The following CSMD3 variants were observed in gnomAD, a reference collection of about 807,000 sequenced individuals.
CSMD3 encodes the protein CUB and Sushi multiple domains 3.
A neutral mutation model predicts 435.2 loss-of-function variants in CSMD3; 177 were observed. The ratio of observed to expected loss-of-function variants is 0.41; its 90% CI spans 0.36 to 0.46. CSMD3 has a LOEUF of 0.46. CSMD3 is among the 20% of genes least tolerant of loss of function. The pLI is 0.34. For missense variants in CSMD3, 4,265 were observed against 4,504.6 expected, an observed-to-expected ratio of 0.95 and a Z score of 1.52; for synonymous variants, 1,656 against 1,520.5, an observed-to-expected ratio of 1.09 and a Z score of -2.07.
intron 13 of CSMD3, among the ~76,000 whole-genome samples, chr8:112,757,000 C>A (rs2077716663): frequency 6.6e-6 from 1 of 152,014 alleles, no homozygotes; most frequent in Admixed American, 6.6e-5. Flanking sequence ...AACTCCCAAC[C>A]CCAAATGATT....
At chr8:113,238,949 A>G (rs144553619) in intron 3 of CSMD3, among the ~76,000 whole-genome samples, 7 of 152,302 alleles carry the variant, frequency 4.6e-5, no homozygotes, top group Non-Finnish European at 1.0e-4. Context: ...GTTATTGAGA[A>G]TGAGTGTAAC....
chr8:112,830,433 A>G (rs2079836006), intron 11 of CSMD3, among the ~76,000 whole-genome samples: 1 of 152,176 alleles, frequency 6.6e-6, no homozygotes. Context: ...GCTAAAATAT[A>G]CTCATGTATC....
chr8:112,957,425 G>GA (rs986621985), intron 7 of CSMD3, among the ~76,000 whole-genome samples: 1 of 152,144 alleles, frequency 6.6e-6, no homozygotes, highest in East Asian at 1.9e-4. Context: ...CTCAAAGGCA[G>GA]AAAAAATATT....
chr8:113,151,510 T>C (rs1466092270), intron 4 of CSMD3, among the ~76,000 whole-genome samples: 3 of 151,752 alleles, frequency 2.0e-5, no homozygotes, highest in Non-Finnish European at 2.9e-5. Flanking sequence ...ACAAGAATAA[T>C]ACAAACAAAA....
chr8:112,329,802 G>A (rs948567460), intron 45 of CSMD3, among the ~76,000 whole-genome samples: 3 of 152,120 alleles, frequency 2.0e-5, no homozygotes, highest in African/African-American at 7.2e-5. Flanking sequence ...TTAGTTTTGA[G>A]TAATAATTAA....
At chr8:112,390,576 A>G (rs2129716764) in intron 36 of CSMD3, 88 bp downstream of exon 36, 1 of 1,160,382 alleles carries the variant, frequency 8.6e-7, no homozygotes, top group Non-Finnish European at 1.3e-6. Context: ...CACTTGCTAA[A>G]CTTTTAGAAA....
In CSMD3 at chr8:112,230,624, A is replaced by G. The variant is rs546942945; in HGVS notation, c.10828+921T>C. Among the ~76,000 whole-genome samples the G allele has an allele frequency of 4.6e-5, 7 of 152,170 alleles. No homozygotes were observed. The South Asian group carries it at 1.2e-3, about 27-fold the overall frequency. Reference sequence around the variant, plus strand: ...GCCAACATGGTGAAGCCCTGTCTCTACTAGAAATACATAGCCAGGCATGGT... The same window carrying G: ...GCCAACATGGTGAAGCCCTGTCTCTGCTAGAAATACATAGCCAGGCATGGT... On this transcript the variant is annotated intron_variant, in intron 69 of 70. Coordinates refer to ENST00000297405, the MANE Select transcript of CSMD3 (RefSeq NM_198123.2).
intron 22 of CSMD3, among the ~76,000 whole-genome samples, chr8:112,629,293 C>T (rs573587112): frequency 6.6e-6 from 1 of 152,184 alleles, no homozygotes; most frequent in South Asian, 2.1e-4. Context: ...CCTTGAACTC[C>T]TGGGCTCAGG....
intron 5 of CSMD3, among the ~76,000 whole-genome samples, chr8:113,039,477 A>G (rs1214443602): frequency 2.0e-5 from 3 of 152,204 alleles, no homozygotes; most frequent in African/African-American, 7.2e-5. Context: ...ACACCCTTGC[A>G]TACATATGCA....
intron 1 of CSMD3, among the ~76,000 whole-genome samples, chr8:113,324,777 A>C (rs1465347763): frequency 1.3e-5 from 2 of 152,166 alleles, no homozygotes; most frequent in African/African-American, 4.8e-5. Flanking sequence ...TCCCCTGGAA[A>C]AGCCACAGAC....
At chr8:113,383,440 A>G (rs112365952) in intron 1 of CSMD3, among the ~76,000 whole-genome samples, 5 of 152,290 alleles carry the variant, frequency 3.3e-5, no homozygotes, top group African/African-American at 9.6e-5. Context: ...GTAGAAGTGG[A>G]AATGGAGAGA....
intron 59 of CSMD3, among the ~76,000 whole-genome samples, chr8:112,265,874 C>T (rs990085770): frequency 2.0e-5 from 3 of 152,020 alleles, no homozygotes; most frequent in Admixed American, 1.3e-4. Flanking sequence ...ATGCAGTAAC[C>T]TCTTCTAACC....
At chr8:112,732,053 AGTGT>A (rs926464691) in intron 13 of CSMD3, among the ~76,000 whole-genome samples, 1 of 151,180 alleles carries the variant, frequency 6.6e-6, no homozygotes, top group Admixed American at 6.6e-5. Flanking sequence ...GCATTGTGTG[AGTGT>A]GTGTGTGTGT....
chr8:112,898,406 C>A (rs935776705), intron 10 of CSMD3, among the ~76,000 whole-genome samples: 5 of 151,128 alleles, frequency 3.3e-5, no homozygotes, highest in Non-Finnish European at 5.9e-5. Flanking sequence ...GGTTCTCAAG[C>A]CCAATTTTTA....
chr8:112,687,410 C>T (rs567465021), intron 14 of CSMD3, among the ~76,000 whole-genome samples: 1 of 152,078 alleles, frequency 6.6e-6, no homozygotes, highest in South Asian at 2.1e-4. Flanking sequence ...ATAAAACTTT[C>T]TCATTATTTT....
chr8:112,389,428 GT>G lies in CSMD3; in HGVS notation c.5934+1235del, dbSNP rs1321811835. Among the ~76,000 whole-genome samples, 37 of 152,190 alleles carry G rather than the reference GT, an allele frequency of 2.4e-4. No homozygotes were observed. The East Asian group carries it at 7.0e-3, about 29-fold the overall frequency. On this transcript the variant is annotated intron_variant, in intron 36 of 70. Coordinates refer to ENST00000297405, the MANE Select transcript of CSMD3 (RefSeq NM_198123.2). ...TACTATAATAAGATAGGATTGATTCGTTATCTTCAAATTTGACAAATTGTCT... is the reference window on the plus strand; with the variant it reads ...TACTATAATAAGATAGGATTGATTCGTATCTTCAAATTTGACAAATTGTCT...
At chr8:113,235,880 G>A (rs907986999) in intron 3 of CSMD3, among the ~76,000 whole-genome samples, 4 of 152,036 alleles carry the variant, frequency 2.6e-5, no homozygotes, top group Non-Finnish European at 4.4e-5. Flanking sequence ...GAAGGATACC[G>A]GCAGACAGCC....
At chr8:113,218,980 A>G (rs992769671) in intron 3 of CSMD3, among the ~76,000 whole-genome samples, 5 of 151,382 alleles carry the variant, frequency 3.3e-5, no homozygotes, top group African/African-American at 1.2e-4. Context: ...AAACCATATC[A>G]CATATTTATC....
chr8:113,057,666 A>G (rs1346538590), intron 5 of CSMD3, among the ~76,000 whole-genome samples: 1 of 152,010 alleles, frequency 6.6e-6, no homozygotes, highest in African/African-American at 2.4e-5. Flanking sequence ...AGTAATATTG[A>G]TAGATATAAA....
Sources: gnomAD v4.1 joint callset for allele counts (sites outside exome capture counted in the v4.1 genomes callset) on GRCh38, gnomAD v4.1.1 for gene constraint, MANE v1.5 for transcripts, NCBI Gene and HGNC (gene_info 2026-07-23, HGNC 2026-07-21) for gene names.